TAB2: variants seen among roughly 807,000 people sequenced by gnomAD.
TAB2 encodes TGF-beta activated kinase 1 (MAP3K7) binding protein 2.
TAB2 carries 3 observed loss-of-function variants against 65.0 expected under a neutral mutation model. The observed-to-expected ratio is 0.05, with a 90% CI of 0.02 to 0.12. TAB2 has a LOEUF of 0.12. TAB2 is among the 10% of genes least tolerant of loss of function. TAB2 has a pLI of 1.00. For missense variants in TAB2, 623 were observed against 840.3 expected, an observed-to-expected ratio of 0.74 and a Z score of 3.20; for synonymous variants, 298 against 285.1, an observed-to-expected ratio of 1.05 and a Z score of -0.46.
intron 1 of TAB2, among the ~76,000 whole-genome samples, chr6:149,228,801 G>T (rs1420399101): frequency 1.3e-5 from 2 of 152,244 alleles, no homozygotes; most frequent in Non-Finnish European, 2.9e-5. Context: ...GGGCCTGTAA[G>T]AACCACAGGA....
chr6:149,363,610 A>T (rs560461882), intron 1 of TAB2, among the ~76,000 whole-genome samples: 270 of 152,312 alleles, frequency 1.8e-3, no homozygotes, highest in Admixed American at 3.5e-3. Flanking sequence ...TTTTTTGAGG[A>T]TAGAATGTTG....
intron 6 of TAB2, among the ~76,000 whole-genome samples, chr6:149,407,277 A>G (rs1782697370): frequency 6.6e-6 from 1 of 152,358 alleles, no homozygotes; most frequent in East Asian, 1.9e-4. Context: ...TTTCCTTAGT[A>G]TAATCTTCCT....
intron 1 of TAB2, chr6:149,318,523 C>T (rs1236077474): frequency 6.6e-6 from 1 of 152,284 alleles, no homozygotes; most frequent in Non-Finnish European, 1.5e-5. Flanking sequence ...GGAGGGAGAA[C>T]ATCGTTCCTT....
At chr6:149,392,965 G>A (rs941306008) in intron 3 of TAB2, among the ~76,000 whole-genome samples, 2 of 151,990 alleles carry the variant, frequency 1.3e-5, no homozygotes, top group Non-Finnish European at 2.9e-5. Context: ...GAAGAGTTTC[G>A]ACTTTAGCTG....
At chr6:149,360,099 A>AT (rs1341409572) in intron 1 of TAB2, among the ~76,000 whole-genome samples, 5 of 152,196 alleles carry the variant, frequency 3.3e-5, no homozygotes, top group African/African-American at 1.2e-4. Flanking sequence ...TTTTTGTGCC[A>AT]GTTTTTTTAA....
chr6:149,359,783 A>C (rs1780784422), intron 1 of TAB2, among the ~76,000 whole-genome samples: 1 of 152,164 alleles, frequency 6.6e-6, no homozygotes, highest in South Asian at 2.1e-4. Context: ...TTTTCTTGCA[A>C]GCTCTGCTGT....
chr6:149,245,516 G>C (rs771906213), intron 1 of TAB2: 10 of 151,422 alleles, frequency 6.6e-5, no homozygotes, highest in Non-Finnish European at 1.5e-4. Flanking sequence ...TTTCTTTAAT[G>C]TATTTATTTA....
intron 1 of TAB2, among the ~76,000 whole-genome samples, chr6:149,349,586 A>G (rs970121675): frequency 5.3e-5 from 8 of 151,868 alleles, no homozygotes; most frequent in South Asian, 2.1e-4. Context: ...TTTTAGCTCA[A>G]TACAGCTTTC....
At chr6:149,273,668 C>G (rs75348282) in intron 1 of TAB2, among the ~76,000 whole-genome samples, 8,087 of 152,316 alleles carry the variant, frequency 0.053, 255 homozygotes, top group Middle Eastern at 0.12. Context: ...ACAGCATCCA[C>G]AGCCCATCAG....
chr6:149,224,918 GC>G (rs2114625423), intron 1 of TAB2, among the ~76,000 whole-genome samples: 1 of 152,294 alleles, frequency 6.6e-6, no homozygotes, highest in African/African-American at 2.4e-5. Flanking sequence ...AGCATATGCT[GC>G]TTTTTAGCCA....
chr6:149,387,771 A>G (rs955472785), intron 3 of TAB2, among the ~76,000 whole-genome samples: 3 of 152,092 alleles, frequency 2.0e-5, no homozygotes, highest in Admixed American at 6.6e-5. Context: ...TTTCTCAAAC[A>G]GTTCATTTTG....
chr6:149,252,018 A>C (rs900370089), intron 1 of TAB2, among the ~76,000 whole-genome samples: 6 of 152,160 alleles, frequency 3.9e-5, no homozygotes, highest in Admixed American at 6.5e-5. Context: ...ATCCTTAAGG[A>C]TATTTTCTTG....
rs184894482 is a variant in TAB2 at position 149,398,097 on chromosome 6, G to T, written c.1858+35G>T. ...AGTGTATTTGTAGCTGAAATTCATC[G>T]TATTTAATTCACCAGCAGTTTTTCT... On this transcript the variant is annotated intron_variant, in intron 5 of 6. Transcript: ENST00000637181. 7.0e-6 allele frequency: 11 copies of T among 1,566,454 alleles called. No homozygotes were observed. In the Admixed American group the frequency reaches 1.2e-4, roughly 17 times the overall value.
intron 1 of TAB2, among the ~76,000 whole-genome samples, chr6:149,320,118 C>A (rs1583085022): frequency 6.6e-6 from 1 of 152,022 alleles, no homozygotes; most frequent in South Asian, 2.1e-4. Context: ...GCTCTGTCAC[C>A]CAGGCTGGAG....
chr6:149,365,360 A>G (rs1781005169), intron 1 of TAB2, among the ~76,000 whole-genome samples: 1 of 152,202 alleles, frequency 6.6e-6, no homozygotes, highest in East Asian at 1.9e-4. Flanking sequence ...TACATTTTCA[A>G]ATAGTTATAT....
intron 1 of TAB2, among the ~76,000 whole-genome samples, chr6:149,277,804 C>T (rs1251970772): frequency 1.3e-5 from 2 of 152,086 alleles, no homozygotes; most frequent in East Asian, 3.8e-4. Context: ...TTTTCTATTT[C>T]CTTTAACTGA....
At chr6:149,382,878 G>T (rs1010013729) in intron 3 of TAB2, among the ~76,000 whole-genome samples, 14 of 152,132 alleles carry the variant, frequency 9.2e-5, no homozygotes, top group African/African-American at 3.4e-4. Flanking sequence ...TTAAGGCTGG[G>T]CATGGTGGCT....
intron 6 of TAB2, among the ~76,000 whole-genome samples, 187 bp from the exon 7 acceptor site, chr6:149,409,390 C>T (rs1782768425): frequency 6.6e-6 from 1 of 151,798 alleles, no homozygotes; most frequent in Non-Finnish European, 1.5e-5. Context: ...TTGTATTTCC[C>T]AGAGGGAGAA....
At position 149,378,522 on chromosome 6, in the gene TAB2, C is replaced by T. The variant is rs1470754478; in HGVS notation, c.607C>T (p.Pro203Ser). The T allele has an allele frequency of 5.0e-6, 8 of 1,614,054 alleles. No individual in the cohort carries two copies. The South Asian group carries it at 8.8e-5, about 18-fold the overall frequency. Residue 203 changes from proline to serine, a missense_variant, in exon 3 of 7, where the codon CCT becomes TCT. Physicochemically the swap from Pro to Ser is moderately conservative, Grantham distance 74 (BLOSUM62 -1). Coordinates refer to ENST00000637181, the MANE Select transcript of TAB2 (RefSeq NM_001292034.3). ...TSLHIHGVPP[P>S]VLNSPQGNSI... ...TTTGCACATACATGGTGTACCTCCA[C>T]CTGTACTTAACAGTCCACAGGGAAA...
Sources: allele counts gnomAD v4.1 joint callset (sites outside exome capture counted in the v4.1 genomes callset), GRCh38; gene constraint gnomAD v4.1.1; transcripts MANE v1.5; gene names NCBI Gene and HGNC (gene_info 2026-07-23, HGNC 2026-07-21).